The following GBA2 variants were observed in gnomAD, a reference collection of about 807,000 sequenced individuals.
GBA2 encodes the protein glucosylceramidase beta 2.
GBA2 carries 79 observed loss-of-function variants against 112.9 expected under a neutral mutation model. The observed-to-expected ratio is 0.70, with a 90% CI of 0.58 to 0.84. The LOEUF is 0.84. Among genes scored for constraint, GBA2 ranks in the 40% least tolerant of loss-of-function variants. GBA2 has a pLI of 0.00. For synonymous variants in GBA2, 403 were observed against 434.3 expected (o/e 0.93, Z 0.90); for missense variants, 1,043 against 1,190.0 (o/e 0.88, Z 1.82).
Position 35,748,608 on chromosome 9 carries a change from C to G in GBA2, c.97G>C (p.Glu33Gln), listed in dbSNP as rs1178519384. The G allele has an allele frequency of 6.2e-7, 1 of 1,613,854 alleles. No homozygotes were observed. The highest frequency in any genetic ancestry group is 8.5e-7 in the Non-Finnish European group (1 of 1,179,864). The stretch of plus-strand genomic sequence containing the variant: ...TGCACATCCTTGGTGCCGCCAGTCT[C>G]TTCAGGGCAATAAACTTGTGGATCC... ...KEDPQVYCPE[E>Q]TGGTKDVQVT... is the part of the protein sequence containing the mutation. Residue 33 changes from glutamate to glutamine, a missense_variant, in exon 1 of 17, where the codon GAG (glutamate) becomes CAG (glutamine). Physicochemically the swap from Glu to Gln is conservative, Grantham distance 29. Transcript: ENST00000378103.
At position 35,740,088 on chromosome 9, in the gene GBA2, G is replaced by C; in HGVS notation, c.1319C>G (p.Ala440Gly). The C allele has an allele frequency of 6.2e-7, 1 of 1,614,092 alleles. No individual in the cohort carries two copies. The highest frequency in any genetic ancestry group is 8.5e-7 in the Non-Finnish European group (1 of 1,179,980). ...YTRFFGQDGD[A>G]APALSHYALC... ...TGCATAGTGGCTGAGGGCAGGTGCT[G>C]CATCTCCATCCTGGCCAAAGAACCT... is the stretch of plus-strand genomic sequence containing the variant. Residue 440 changes from alanine to glycine, a missense_variant, in exon 8 of 17, where the codon GCA (alanine) becomes GGA (glycine). By Grantham distance (60) the Ala-to-Gly change is moderately conservative. Coordinates refer to ENST00000378103, the MANE Select transcript of GBA2 (RefSeq NM_020944.3). The surrounding 1 kb of genome is among the most constrained non-coding windows in gnomAD (Gnocchi z 4.7).
chr9:35,740,849 C>T lies in GBA2; in HGVS notation c.1002G>A (p.Thr334=), dbSNP rs758383932. The T allele has an allele frequency of 6.2e-6, 10 of 1,613,964 alleles. No individual in the cohort carries two copies. Among genetic ancestry groups the T allele is most frequent in the South Asian group, 2.2e-5 (2 of 91,080 alleles). ...CCGTGACTCGTGCAGCCACAGCCAT[C>T]GTGTAGGGGTTTGGAAGGGTTGGAT... ...LHHPTLPNPY[T]MAVAARVTAA... The change falls in exon 5 of 17, where the codon ACG becomes ACA. Residue 334 remains threonine (T), a synonymous_variant. Transcript: ENST00000378103. The surrounding 1 kb of genome is among the most constrained non-coding windows in gnomAD (Gnocchi z 4.7).
Position 35,741,461 on chromosome 9 carries a change from A to T in GBA2, c.786+211T>A. On this transcript the variant is annotated intron_variant, in intron 4 of 16. Transcript: ENST00000378103. The surrounding 1 kb of genome is among the most constrained non-coding windows in gnomAD (Gnocchi z 4.6). ...AGGTGCCTGCCACAACGCCCAGCTA[A>T]TTTTTTTTTTTGTATTTTTAGTAGA... The T allele has an allele frequency of 2.0e-5, 9 of 449,950 alleles. No individual in the cohort carries two copies. Among genetic ancestry groups the T allele is most frequent in the East Asian group, 3.8e-5 (1 of 26,074 alleles). The allele number at this position is 449,950 out of a possible 1,614,324, so 27.9% of individuals were successfully genotyped here.
chr9:35,741,270 G>T lies in GBA2; in HGVS notation c.787-206C>A. On this transcript the variant is annotated intron_variant, in intron 4 of 16. Transcript: ENST00000378103. This position sits in a 1 kb window ranked among gnomAD's most constrained non-coding sequence, Gnocchi z 4.6. Reference sequence around the variant, plus strand: ...CAGAACCAGTTGGGCGGTGGTTCTGGGAAGCCAGTGTGATGTTCATGGCTC... The same window carrying T: ...CAGAACCAGTTGGGCGGTGGTTCTGTGAAGCCAGTGTGATGTTCATGGCTC... 1 of 597,214 alleles carries T rather than the reference G, an allele frequency of 1.7e-6. No individual in the cohort carries two copies. Among genetic ancestry groups the T allele is most frequent in the Non-Finnish European group, 2.9e-6 (1 of 341,414 alleles). The allele number at this position is 597,214 out of a possible 1,614,324, so 37.0% of individuals were successfully genotyped here. A position where few individuals can be genotyped will look rare whatever the true frequency, so the allele number is the denominator to read the frequency against.
Position 35,740,274 on chromosome 9 carries a change from C to A in GBA2, c.1218G>T (p.Leu406=). The A allele has an allele frequency of 6.2e-7, 1 of 1,614,166 alleles. No individual in the cohort carries two copies. The highest frequency in any genetic ancestry group is 1.7e-5 in the Admixed American group (1 of 60,024). ...GCATGTCCCAAGCCAGTGAAAACTC[C>A]AGGCGGCACTGGCCTCGAGGTCGCA... ...SKLRPRGQCR[L]EFSLAWDMPR... is the part of the protein sequence containing the mutation. Residue 406 remains leucine, a synonymous_variant, in exon 7 of 17, where the codon CTG becomes CTT. Transcript: ENST00000378103. This position sits in a 1 kb window ranked among gnomAD's most constrained non-coding sequence, Gnocchi z 4.7.
intron 1 of GBA2, among the ~76,000 whole-genome samples, chr9:35,745,817 C>T (rs1263957099): frequency 6.6e-6 from 1 of 152,186 alleles, no homozygotes; most frequent in African/African-American, 2.4e-5. Flanking sequence ...GACTCTTTCC[C>T]ATTTCCACTC....
Position 35,748,876 on chromosome 9 carries a change from G to A in GBA2, c.-172C>T. ...GGGGAGCTCTTGCTTCAGTGGGGGCGGCGACAGCAAAGAAGCCGCCTTGGG... is the reference window on the plus strand; with the variant it reads ...GGGGAGCTCTTGCTTCAGTGGGGGCAGCGACAGCAAAGAAGCCGCCTTGGG... On this transcript the variant is annotated 5_prime_UTR_variant, in exon 1 of 17. Coordinates refer to ENST00000378103, the MANE Select transcript of GBA2 (RefSeq NM_020944.3). 3.6e-6 allele frequency: 2 copies of A among 551,758 alleles called. No homozygotes were observed. Among genetic ancestry groups the A allele is most frequent in the South Asian group, 5.7e-5 (2 of 35,114 alleles). The allele number at this position is 551,758 out of a possible 1,614,324, so 34.2% of individuals were successfully genotyped here.
chr9:35,738,883 C>G lies in GBA2; in HGVS notation c.1816G>C (p.Val606Leu), dbSNP rs754032114. The change falls in exon 12 of 17, where the codon GTC (valine) becomes CTC (leucine). Residue 606 changes from valine (V) to leucine (L), a missense_variant. Transcript: ENST00000378103. Reference sequence around the variant, plus strand: ...GTATCATGGATTAAATATGCATTGACGCGGAGCCATGGTTCATCATCTGTG... The same window carrying G: ...GTATCATGGATTAAATATGCATTGAGGCGGAGCCATGGTTCATCATCTGTG... The part of the protein sequence containing the change: ...GDPDDEPWLR[V>L]NAYLIHDTAD... The G allele has an allele frequency of 6.2e-7, 1 of 1,614,108 alleles. No homozygotes were observed. Among genetic ancestry groups the G allele is most frequent in the South Asian group, 1.1e-5 (1 of 91,062 alleles).
chr9:35,739,429 T>C lies in GBA2; in HGVS notation c.1583-10A>G, dbSNP rs1287452536. 1.3e-6 allele frequency: 2 copies of C among 1,569,806 alleles called. No individual in the cohort carries two copies. The highest frequency in any genetic ancestry group is 1.3e-5 in the African/African-American group (1 of 74,136). On this transcript the variant is annotated splice_polypyrimidine_tract_variant and intron_variant, in intron 9 of 16. Transcript: ENST00000378103. The stretch of plus-strand genomic sequence containing the variant: ...ATGCGGTACTCCTGGCCTGGAGGAA[T>C]GAATGAGACACACTGTTGCCAGAAT...
chr9:35,745,167 G>A (rs898782106), intron 1 of GBA2, among the ~76,000 whole-genome samples: 7 of 151,782 alleles, frequency 4.6e-5, no homozygotes, highest in Admixed American at 1.3e-4. Context: ...TTGTTGTCCA[G>A]GCTGGAGTGC....
At chr9:35,743,799 C>T (rs1184583066) in intron 3 of GBA2, among the ~76,000 whole-genome samples, 1 of 152,288 alleles carries the variant, frequency 6.6e-6, no homozygotes, top group African/African-American at 2.4e-5. Flanking sequence ...AGAGAAGGAG[C>T]TTTTTAGACC....
At chr9:35,742,112 G>A in intron 3 of GBA2, 1 of 587,924 alleles carries the variant, frequency 1.7e-6, no homozygotes, top group Non-Finnish European at 3.1e-6. Context: ...GGTGGTGTTA[G>A]CACCTCACTT....
Position 35,748,802 on chromosome 9 carries a change from G to A in GBA2, c.-98C>T. 1 of 749,322 alleles carries A rather than the reference G, an allele frequency of 1.3e-6. No individual in the cohort carries two copies. The highest frequency in any genetic ancestry group is 2.2e-6 in the Non-Finnish European group (1 of 455,538). The allele number at this position is 749,322 out of a possible 1,614,324, so 46.4% of individuals were successfully genotyped here. ...GGTCGTTGTTAGGTATCGTCCCGGA[G>A]GGCCGGGCGTTGGGGAAAGCTTAAA... is the stretch of plus-strand genomic sequence containing the variant. On this transcript the variant is annotated 5_prime_UTR_variant, in exon 1 of 17. Coordinates refer to ENST00000378103, the MANE Select transcript of GBA2 (RefSeq NM_020944.3).
chr9:35,747,547 G>GTT (rs1563968904), intron 1 of GBA2, among the ~76,000 whole-genome samples: 1 of 152,188 alleles, frequency 6.6e-6, no homozygotes, highest in African/African-American at 2.4e-5. Context: ...TCTAGAAACT[G>GTT]TAAGGGCAGG....
rs1436283913 is a variant in GBA2, at chr9:35,746,055, A to T, written c.360-1349T>A. On this transcript the variant is annotated intron_variant, in intron 1 of 16. Transcript: ENST00000378103. This position sits in a 1 kb window ranked among gnomAD's most constrained non-coding sequence, Gnocchi z 5.2. ...ATACAAACTGTTATCTCAATTCCTA[A>T]TCAGACATTGCCTTGTTATTTCAAT... 6.6e-6 allele frequency among the ~76,000 whole-genome samples: 1 copy of T among 152,188 alleles called. No individual in the cohort carries two copies. Among genetic ancestry groups the T allele is most frequent in the Non-Finnish European group, 1.5e-5 (1 of 68,036 alleles).
At position 35,740,413 on chromosome 9, in the gene GBA2, A is replaced by G; in HGVS notation, c.1130-51T>C. ...GACAGGAGCCCCTTCAGCCCCAGGGATAGGGATCCCTAACATGGAAACAAG... is the reference window on the plus strand; with the variant it reads ...GACAGGAGCCCCTTCAGCCCCAGGGGTAGGGATCCCTAACATGGAAACAAG... On this transcript the variant is annotated intron_variant, in intron 6 of 16. Transcript: ENST00000378103. This position sits in a 1 kb window ranked among gnomAD's most constrained non-coding sequence, Gnocchi z 4.7. 6.2e-7 allele frequency: 1 copy of G among 1,601,656 alleles called. No homozygotes were observed.
intron 9 of GBA2, 78 bp downstream of exon 9, chr9:35,739,550 C>G (rs947715119): frequency 1.3e-5 from 18 of 1,424,954 alleles, no homozygotes; most frequent in Non-Finnish European, 1.7e-5. Flanking sequence ...TCATCCTAAC[C>G]AATACCCTGG....
At position 35,741,608 on chromosome 9, in the gene GBA2, T is replaced by C; in HGVS notation, c.786+64A>G. 1 of 1,131,490 alleles carries C rather than the reference T, an allele frequency of 8.8e-7. No individual in the cohort carries two copies. The highest frequency in any genetic ancestry group is 1.2e-5 in the South Asian group (1 of 81,228). The allele number at this position is 1,131,490 out of a possible 1,614,324, so 70.1% of individuals were successfully genotyped here. ...CTACCGCGCCTCGCAGGCCATGCAG[T>C]TTCTAGCAGAGGCAGGTCCTGGGGA... On this transcript the variant is annotated intron_variant, in intron 4 of 16. Coordinates refer to ENST00000378103, the MANE Select transcript of GBA2 (RefSeq NM_020944.3). This position sits in a 1 kb window ranked among gnomAD's most constrained non-coding sequence, Gnocchi z 4.6.
chr9:35,741,904 A>C lies in GBA2; in HGVS notation c.568-14T>G. On this transcript the variant is annotated splice_polypyrimidine_tract_variant and intron_variant, in intron 3 of 16. Coordinates refer to ENST00000378103, the MANE Select transcript of GBA2 (RefSeq NM_020944.3). This position sits in a 1 kb window ranked among gnomAD's most constrained non-coding sequence, Gnocchi z 4.6. ...GCACACTGTGAACTTAAGAGGGCAG[A>C]TAGGCTGGAACGGGGTAAACCACAG... is the stretch of plus-strand genomic sequence containing the variant. 4 of 1,593,268 alleles carry C rather than the reference A, an allele frequency of 2.5e-6. No homozygotes were observed. The highest frequency in any genetic ancestry group is 3.4e-6 in the Non-Finnish European group (4 of 1,161,406).
Sources: allele counts gnomAD v4.1 joint callset (sites outside exome capture counted in the v4.1 genomes callset), GRCh38; gene constraint gnomAD v4.1.1; non-coding constraint Gnocchi (gnomAD v3.1); transcripts MANE v1.5; gene names NCBI Gene and HGNC (gene_info 2026-07-23, HGNC 2026-07-21).